Variants in XRN1 observed in about 807,000 individuals in gnomAD.
The protein encoded by XRN1 is 5'-3' exoribonuclease 1.
Under a neutral mutation model 222.3 loss-of-function variants are expected in XRN1, and 67 were observed. The observed-to-expected ratio is 0.30, with a 90% CI of 0.25 to 0.37. The LOEUF (loss-of-function observed/expected upper bound fraction) is 0.37. Among genes scored for constraint, XRN1 ranks in the 10% least tolerant of loss-of-function variants. The pLI is 1.00. For synonymous variants in XRN1, 643 were observed against 652.4 expected (o/e 0.99, Z 0.22); for missense variants, 1,707 against 2,000.2 (o/e 0.85, Z 2.80).
chr3:142,377,611 C>T (rs1434062776), intron 23 of XRN1, among the ~76,000 whole-genome samples: 1 of 152,122 alleles, frequency 6.6e-6, no homozygotes, highest in Non-Finnish European at 1.5e-5. Context: ...AAATTGCCAA[C>T]AGTACTCCTT....
rs1291477734 is a variant in XRN1, at chr3:142,307,084, G to C, written c.*4427C>G. The stretch of plus-strand genomic sequence containing the variant: ...ATGAAAATACTCAAAGAAGCAGTTG[G>C]ATACAGGCAAAAGAAAATATGATAC... On this transcript the variant is annotated 3_prime_UTR_variant, in exon 41 of 41. Coordinates refer to ENST00000392981, the MANE Select transcript of XRN1 (RefSeq NM_001282857.2). 2 of 152,270 alleles carry C rather than the reference G, an allele frequency of 1.3e-5. No homozygotes were observed. The highest frequency in any genetic ancestry group is 3.2e-3 in the Middle Eastern group (1 of 316). The allele number at this position is 152,270 out of a possible 1,614,324, so 9.4% of individuals were successfully genotyped here.
chr3:142,409,289 T>C (rs778210221), intron 15 of XRN1, among the ~76,000 whole-genome samples: 1 of 152,362 alleles, frequency 6.6e-6, no homozygotes, highest in Middle Eastern at 3.4e-3. Context: ...AGAAGTTTTA[T>C]GGTTTTAGCT....
chr3:142,397,589 T>C (rs2067977892), intron 19 of XRN1, 129 bp from the exon 20 acceptor site: 2 of 576,490 alleles, frequency 3.5e-6, no homozygotes, highest in African/African-American at 3.9e-5. Context: ...ACAACTGTAA[T>C]GTAAATTACA....
intron 20 of XRN1, among the ~76,000 whole-genome samples, chr3:142,392,482 A>AC (rs952251986): frequency 6.6e-6 from 1 of 151,296 alleles, no homozygotes; most frequent in Non-Finnish European, 1.5e-5. Flanking sequence ...CACTCCCACC[A>AC]CCCCACAACA....
At position 142,418,868 on chromosome 3, in the gene XRN1, G is replaced by A. The variant is rs1311920841; in HGVS notation, c.1187C>T (p.Ser396Phe). ...TTTGTCTAAAGCAGTCCAACACAGA[G>A]AATTTTCCTGGCCCTGTAAATTGTA... Reference protein sequence around the residue: ...EKKKLKGQENSLCWTALDKNE... With the variant: ...EKKKLKGQENFLCWTALDKNE... The change falls in exon 11 of 41, where the codon TCT becomes TTT. Residue 396 changes from serine (S) to phenylalanine (F), a missense_variant. Transcript: ENST00000392981. 2 of 1,613,910 alleles carry A rather than the reference G, an allele frequency of 1.2e-6. No individual in the cohort carries two copies. Among genetic ancestry groups the A allele is most frequent in the Non-Finnish European group, 1.7e-6 (2 of 1,179,890 alleles).
At chr3:142,321,045 A>G (rs2065338972) in intron 37 of XRN1, among the ~76,000 whole-genome samples, 1 of 148,802 alleles carries the variant, frequency 6.7e-6, no homozygotes, top group South Asian at 2.1e-4. Context: ...GGCTAACTTC[A>G]TTCTTTAAAA....
chr3:142,367,114 CCT>C (rs1175606378), intron 27 of XRN1, among the ~76,000 whole-genome samples: 1 of 152,074 alleles, frequency 6.6e-6, no homozygotes, highest in Non-Finnish European at 1.5e-5. Flanking sequence ...ATGGAGAAAC[CCT>C]GTCTCTACTA....
intron 20 of XRN1, among the ~76,000 whole-genome samples, chr3:142,385,859 G>A (rs2067480903): frequency 6.6e-6 from 1 of 151,746 alleles, no homozygotes; most frequent in Admixed American, 6.6e-5. Flanking sequence ...TTTTTAGTAT[G>A]CCCGTATTAC....
chr3:142,335,354 G>T, intron 34 of XRN1, 94 bp downstream of exon 34: 1 of 1,164,854 alleles, frequency 8.6e-7, no homozygotes, highest in Non-Finnish European at 1.3e-6. Context: ...TTATAAATTT[G>T]GTTGAAAAGG....
At chr3:142,388,227 G>C (rs937822542) in intron 20 of XRN1, among the ~76,000 whole-genome samples, 2 of 151,954 alleles carry the variant, frequency 1.3e-5, no homozygotes, top group Admixed American at 6.6e-5. Flanking sequence ...TGAAGACGAA[G>C]ATGAAAACTG....
At chr3:142,368,676 T>C (rs2066893510) in intron 27 of XRN1, among the ~76,000 whole-genome samples, 1 of 152,178 alleles carries the variant, frequency 6.6e-6, no homozygotes. Flanking sequence ...GAAAGGCAAT[T>C]AAAAAGAAAT....
intron 37 of XRN1, among the ~76,000 whole-genome samples, chr3:142,320,502 T>C (rs777108059): frequency 1.3e-5 from 2 of 152,230 alleles, no homozygotes; most frequent in African/African-American, 4.8e-5. Context: ...GCAAATACTG[T>C]AGATTGTCTG....
At chr3:142,323,445 G>C (rs2065420392) in intron 37 of XRN1, among the ~76,000 whole-genome samples, 1 of 152,022 alleles carries the variant, frequency 6.6e-6, no homozygotes. Context: ...GCCTCCCAAA[G>C]TGCTGGGATT....
At chr3:142,338,088 G>C (rs1352559099) in intron 33 of XRN1, among the ~76,000 whole-genome samples, 1 of 152,200 alleles carries the variant, frequency 6.6e-6, no homozygotes, top group African/African-American at 2.4e-5. Context: ...TGGGCTTGCA[G>C]CCTTTTACTT....
chr3:142,355,088 T>C (rs1460825507), intron 32 of XRN1, among the ~76,000 whole-genome samples: 2 of 126,760 alleles, frequency 1.6e-5, no homozygotes, highest in Non-Finnish European at 3.3e-5. Context: ...TGGGGGAAGA[T>C]AGGGAGGAGG....
At chr3:142,394,521 T>C (rs146389651) in intron 20 of XRN1, among the ~76,000 whole-genome samples, 20 of 152,300 alleles carry the variant, frequency 1.3e-4, no homozygotes, top group South Asian at 4.1e-4. Flanking sequence ...TTCCTTTTCC[T>C]CCAGCCATCC....
intron 23 of XRN1, among the ~76,000 whole-genome samples, chr3:142,378,861 T>TAAA (rs1219627536): frequency 6.6e-6 from 1 of 152,080 alleles, no homozygotes; most frequent in Admixed American, 6.6e-5. Context: ...GGAAAGGTGC[T>TAAA]AAAAAGATTT....
chr3:142,342,330 G>T (rs1341478617), intron 33 of XRN1, among the ~76,000 whole-genome samples: 1 of 152,120 alleles, frequency 6.6e-6, no homozygotes, highest in Non-Finnish European at 1.5e-5. Context: ...AAGGTTCACA[G>T]ACTGGAAGAA....
rs374184399 is a variant in XRN1, at chr3:142,318,895, G to A, written c.4413C>T (p.Thr1471=). The change falls in exon 38 of 41, where the codon ACC becomes ACT. Residue 1471 remains threonine, a synonymous_variant. Transcript: ENST00000392981. ...CATTAGATAATTTTACTTGGCAAAC[G>A]GTCATTGTCTAAAAAAAGAGAATAT... is the stretch of plus-strand genomic sequence containing the variant. The part of the protein sequence containing the change: ...FSFLRMPQTM[T]VCQVKLSNGL... 21 of 1,612,756 alleles carry A rather than the reference G, an allele frequency of 1.3e-5. No homozygotes were observed. The African/African-American group carries it at 1.9e-4, about 14-fold the overall frequency.
Sources: allele counts gnomAD v4.1 joint callset (sites outside exome capture counted in the v4.1 genomes callset), GRCh38; gene constraint gnomAD v4.1.1; transcripts MANE v1.5; gene names NCBI Gene and HGNC (gene_info 2026-07-23, HGNC 2026-07-21).